The following OXR1 variants were observed in gnomAD, a reference collection of about 807,000 sequenced individuals.
OXR1 encodes the protein oxidation resistance 1, also known as oxidation resistance protein 1.
A neutral mutation model predicts 104.6 loss-of-function variants in OXR1; 41 were observed. The ratio of observed to expected loss-of-function variants is 0.39; its 90% CI spans 0.31 to 0.51. OXR1 has a LOEUF of 0.51. Among genes scored for constraint, OXR1 ranks in the 20% least tolerant of loss-of-function variants. The probability of loss-of-function intolerance (pLI) is 0.77; values close to 1 mark genes in which losing one functional copy is unlikely to be tolerated. For synonymous variants in OXR1, 348 were observed against 348.4 expected (o/e 1.00, Z 0.01); for missense variants, 955 against 1,031.9 (o/e 0.93, Z 1.02).
At chr8:106,625,158 TA>T (rs1822048049) in intron 3 of OXR1, among the ~76,000 whole-genome samples, 1 of 152,136 alleles carries the variant, frequency 6.6e-6, no homozygotes, top group African/African-American at 2.4e-5. Context: ...ATGAATTCCA[TA>T]AAAAGGTCAA....
intron 3 of OXR1, among the ~76,000 whole-genome samples, chr8:106,638,550 T>C (rs939582547): frequency 1.3e-5 from 2 of 152,152 alleles, no homozygotes; most frequent in Non-Finnish European, 2.9e-5. Context: ...TAAGATAACA[T>C]TGATCCTGCT....
chr8:106,504,063 A>G (rs1291321480), intron 2 of OXR1, among the ~76,000 whole-genome samples: 1 of 152,178 alleles, frequency 6.6e-6, no homozygotes, highest in Non-Finnish European at 1.5e-5. Flanking sequence ...AGCAAGTAAG[A>G]TCCCTGGAAT....
intron 1 of OXR1, among the ~76,000 whole-genome samples, chr8:106,331,639 T>C (rs1047665901): frequency 6.6e-6 from 1 of 152,168 alleles, no homozygotes; most frequent in African/African-American, 2.4e-5. Context: ...ATAGAATATC[T>C]TTAAGATAAT....
At chr8:106,374,738 A>T (rs114036411) in intron 2 of OXR1, among the ~76,000 whole-genome samples, 3,803 of 152,218 alleles carry the variant, frequency 0.025, 164 homozygotes, top group African/African-American at 0.087. Context: ...AGACAGAATA[A>T]TCTCCACTGA....
chr8:106,717,579 T>C (rs1422633047), intron 11 of OXR1, among the ~76,000 whole-genome samples: 2 of 152,222 alleles, frequency 1.3e-5, no homozygotes, highest in Non-Finnish European at 2.9e-5. Flanking sequence ...TTGTATATGA[T>C]AAATTTGGTA....
intron 3 of OXR1, among the ~76,000 whole-genome samples, chr8:106,565,319 C>T (rs906104719): frequency 1.3e-5 from 2 of 152,052 alleles, no homozygotes; most frequent in African/African-American, 2.4e-5. Flanking sequence ...CACAAGTGTT[C>T]CAATACACCA....
chr8:106,544,353 CA>C (rs1252395219), intron 3 of OXR1, among the ~76,000 whole-genome samples: 2 of 152,074 alleles, frequency 1.3e-5, no homozygotes, highest in East Asian at 3.8e-4. Flanking sequence ...CCTGTATGAG[CA>C]TTTTTGTTAG....
intron 1 of OXR1, among the ~76,000 whole-genome samples, chr8:106,285,783 C>T (rs1503559): frequency 0.21 from 32,321 of 151,476 alleles, 5,167 homozygotes; most frequent in African/African-American, 0.45. Flanking sequence ...TTATACACGA[C>T]GTCAACAAGA....
rs76510007 is a variant in OXR1 at position 106,684,411 on chromosome 8, A to G, written c.525+52A>G. Reference sequence around the variant, plus strand: ...GCGATGAAGAAATCTCACTTTGTCTACATTGACTGTCTTGTTTTTTACATT... The same window carrying G: ...GCGATGAAGAAATCTCACTTTGTCTGCATTGACTGTCTTGTTTTTTACATT... On this transcript the variant is annotated intron_variant, in intron 6 of 16. Coordinates refer to ENST00000517566, the MANE Select transcript of OXR1 (RefSeq NM_001198533.2). 2.9e-3 allele frequency: 2,468 copies of G among 854,648 alleles called. 10 individuals carry two copies. The highest frequency in any genetic ancestry group is 3.7e-3 in the Non-Finnish European group (1,837 of 495,560). The allele number at this position is 854,648 out of a possible 1,614,324, so 52.9% of individuals were successfully genotyped here.
Position 106,293,543 on chromosome 8 carries a change from A to G in OXR1, c.-139+23176A>G, listed in dbSNP as rs144175963. Among the ~76,000 whole-genome samples the G allele has an allele frequency of 2.6e-3, 389 of 152,276 alleles. 3 individuals are homozygous for G. The highest frequency in any genetic ancestry group is 3.4e-3 in the Non-Finnish European group (233 of 68,018). On this transcript the variant is annotated intron_variant, in intron 1 of 16. Transcript: ENST00000517566. The stretch of plus-strand genomic sequence containing the variant: ...ACTTTGTGGAGCAATGCCTTCTTAA[A>G]CTTTTGTGTCTTGGGTTATTTTGTG...
chr8:106,288,542 G>GTGTGTGTA (rs148349338), intron 1 of OXR1, among the ~76,000 whole-genome samples: 37 of 147,544 alleles, frequency 2.5e-4, no homozygotes, highest in African/African-American at 6.5e-4. Context: ...GTGTGTGTGT[G>GTGTGTGTA]TATATATATA....
intron 3 of OXR1, among the ~76,000 whole-genome samples, chr8:106,676,382 G>C (rs1003828395): frequency 6.6e-6 from 1 of 152,078 alleles, no homozygotes; most frequent in Non-Finnish European, 1.5e-5. Flanking sequence ...GCTTGTGTAT[G>C]TGATGGTTTT....
At chr8:106,582,170 CTATTGACATATATATATATATA>C (rs1277345627) in intron 3 of OXR1, among the ~76,000 whole-genome samples, 1 of 91,876 alleles carries the variant, frequency 1.1e-5, no homozygotes, top group African/African-American at 6.7e-5. Flanking sequence ...AGATTTTTTT[CTATTGACATATATATATATATA>C]TATATATATA....
chr8:106,343,361 C>T (rs1815335150), intron 1 of OXR1, among the ~76,000 whole-genome samples: 1 of 152,176 alleles, frequency 6.6e-6, no homozygotes, highest in Non-Finnish European at 1.5e-5. Context: ...CAAAATGGAA[C>T]TAATGGCAAC....
rs1353643444 is a variant in OXR1, at chr8:106,580,694, G to A, written c.220+61555G>A. On this transcript the variant is annotated intron_variant, in intron 3 of 16. Coordinates refer to ENST00000517566, the MANE Select transcript of OXR1 (RefSeq NM_001198533.2). ...AGCATTATTTTACATCCTACCAATA[G>A]TACATGGCAGTTCCAATTTCTCCAC... 2.0e-5 allele frequency among the ~76,000 whole-genome samples: 3 copies of A among 151,972 alleles called. No individual in the cohort carries two copies. The East Asian group carries it at 5.8e-4, about 29-fold the overall frequency.
intron 2 of OXR1, among the ~76,000 whole-genome samples, chr8:106,363,155 C>A (rs1443111466): frequency 3.3e-5 from 5 of 152,180 alleles, no homozygotes; most frequent in South Asian, 4.1e-4. Flanking sequence ...AACTAGTGAG[C>A]ATCTATAACA....
At chr8:106,426,352 GT>G (rs140797269) in intron 2 of OXR1, among the ~76,000 whole-genome samples, 7,111 of 147,608 alleles carry the variant, frequency 0.048, 546 homozygotes, top group African/African-American at 0.17. Flanking sequence ...TGTTACATTT[GT>G]TTTTTTTTTA....
intron 1 of OXR1, among the ~76,000 whole-genome samples, chr8:106,321,607 C>A (rs73701143): frequency 0.024 from 3,647 of 152,186 alleles, 51 homozygotes; most frequent in South Asian, 0.096. Context: ...GAGCGAGGAG[C>A]GAGAAGAAAA....
chr8:106,745,023 T>A (rs759722521), intron 15 of OXR1, among the ~76,000 whole-genome samples: 43 of 152,190 alleles, frequency 2.8e-4, no homozygotes, highest in Non-Finnish European at 5.4e-4. Context: ...ATTCTCAAAC[T>A]TTTTATGTTA....
Sources: gnomAD v4.1 joint callset for allele counts (sites outside exome capture counted in the v4.1 genomes callset) on GRCh38, gnomAD v4.1.1 for gene constraint, MANE v1.5 for transcripts, NCBI Gene and HGNC (gene_info 2026-07-23, HGNC 2026-07-21) for gene names.